RSBN1: variants seen among roughly 807,000 people sequenced by gnomAD.
RSBN1 encodes lysine-specific demethylase 9.
In RSBN1, 23 loss-of-function variants were observed where a neutral mutation model predicts 74.8. The ratio of observed to expected loss-of-function variants is 0.31; its 90% CI spans 0.22 to 0.44. The LOEUF is 0.44. Ranked by LOEUF, RSBN1 falls within the 20% of genes least tolerant of loss-of-function variation. The probability of loss-of-function intolerance (pLI) is 1.00; values close to 1 mark genes in which losing one functional copy is unlikely to be tolerated. For missense variants in RSBN1, 808 were observed against 1,020.9 expected, an observed-to-expected ratio of 0.79 and a Z score of 2.84; for synonymous variants, 407 against 379.6, an observed-to-expected ratio of 1.07 and a Z score of -0.84.
chr1:113,768,520 G>A, intron 4 of RSBN1, 131 bp from the exon 5 acceptor site: 2 of 576,192 alleles, frequency 3.5e-6, no homozygotes, highest in Non-Finnish European at 6.1e-6. Flanking sequence ...ACTGAGAAGG[G>A]TTCAATGATT....
chr1:113,782,700 T>C (rs944183847), intron 2 of RSBN1, among the ~76,000 whole-genome samples: 1 of 152,198 alleles, frequency 6.6e-6, no homozygotes, highest in Non-Finnish European at 1.5e-5. Flanking sequence ...TCGTTCTATT[T>C]TTAATTTTTT....
intron 1 of RSBN1, among the ~76,000 whole-genome samples, chr1:113,803,526 G>A (rs181088299): frequency 7.9e-5 from 12 of 152,254 alleles, no homozygotes; most frequent in East Asian, 1.9e-4. Flanking sequence ...TGGTAAAACC[G>A]GAGGAAAGAA....
At chr1:113,784,928 A>G (rs1571301512) in intron 2 of RSBN1, among the ~76,000 whole-genome samples, 1 of 152,338 alleles carries the variant, frequency 6.6e-6, no homozygotes, top group African/African-American at 2.4e-5. Context: ...AACAGTGTAC[A>G]CTTAGGTTAC....
At chr1:113,778,502 G>A (rs542548694) in intron 2 of RSBN1, among the ~76,000 whole-genome samples, 8 of 151,082 alleles carry the variant, frequency 5.3e-5, no homozygotes, top group African/African-American at 1.7e-4. Flanking sequence ...GTTTCAACAC[G>A]TTGGCCAGGC....
rs997690593 is a variant in RSBN1, at chr1:113,812,299, G to C, written c.114C>G (p.Val38=). 1 of 1,604,296 alleles carries C rather than the reference G, an allele frequency of 6.2e-7. No homozygotes were observed. The highest frequency in any genetic ancestry group is 1.3e-5 in the African/African-American group (1 of 75,038). The change falls in exon 1 of 7, where the codon GTC becomes GTG. Residue 38 remains valine, a synonymous_variant. Transcript: ENST00000261441. ...CCACAAACACACATTTAAATGGCCC[G>C]ACCGCCCCCCCGTCCGCGCATCGCG... ...ALARCADGGA[V]GPFKCVFVGE...
intron 1 of RSBN1, among the ~76,000 whole-genome samples, chr1:113,801,146 T>A (rs531664413): frequency 1.3e-5 from 2 of 152,166 alleles, no homozygotes; most frequent in Admixed American, 1.3e-4. Context: ...CACACCCGGC[T>A]AATTTTTTGT....
intron 1 of RSBN1, among the ~76,000 whole-genome samples, chr1:113,805,075 G>C (rs978781696): frequency 3.3e-5 from 5 of 151,910 alleles, no homozygotes; most frequent in Non-Finnish European, 5.9e-5. Context: ...TAATTAAAAA[G>C]AAGCATTACT....
chr1:113,774,503 T>G (rs548192810), intron 4 of RSBN1, among the ~76,000 whole-genome samples: 2 of 150,492 alleles, frequency 1.3e-5, no homozygotes, highest in African/African-American at 2.5e-5. Context: ...TGAAACCCCA[T>G]CTCTACTAAA....
intron 2 of RSBN1, among the ~76,000 whole-genome samples, chr1:113,778,304 TC>T (rs370998445): frequency 0.13 from 18,703 of 145,306 alleles, 1,212 homozygotes; most frequent in East Asian, 0.28. Flanking sequence ...TTTTTTTTTT[TC>T]CTTTTTTTTG....
rs981325358 is a variant in RSBN1 at position 113,765,704 on chromosome 1, T to C, written c.*276A>G. The C allele has an allele frequency of 3.2e-6, 1 of 308,766 alleles. No homozygotes were observed. The highest frequency in any genetic ancestry group is 6.0e-6 in the Non-Finnish European group (1 of 165,828). 19.1% of individuals were successfully genotyped at this position (308,766 alleles called of 1,614,324 possible). A position where few individuals can be genotyped will look rare whatever the true frequency, so the allele number is the denominator to read the frequency against. ...TCTGTTATTCCAGAGAATTCTCATT[T>C]TGATTTGAAGAAGAGATTGAATTGT... On this transcript the variant is annotated 3_prime_UTR_variant, in exon 7 of 7. Transcript: ENST00000261441.
intron 4 of RSBN1, among the ~76,000 whole-genome samples, chr1:113,773,895 C>T (rs1325895786): frequency 3.3e-5 from 5 of 151,402 alleles, no homozygotes; most frequent in African/African-American, 9.7e-5. Context: ...CCCAGCTACT[C>T]GGGAGGCTGA....
chr1:113,793,688 T>C lies in RSBN1; in HGVS notation c.1377+3675A>G, dbSNP rs545886139. The stretch of plus-strand genomic sequence containing the variant: ...AATTCCTAAGAGTTCTTTTTTTTTT[T>C]TTCTTTTTTTCTTTATTGAGACTTG... On this transcript the variant is annotated intron_variant, in intron 2 of 6. Coordinates refer to ENST00000261441, the MANE Select transcript of RSBN1 (RefSeq NM_018364.5). 6.7e-3 allele frequency among the ~76,000 whole-genome samples: 1,015 copies of C among 152,150 alleles called. 7 individuals carry two copies. Among genetic ancestry groups the C allele is most frequent in the Middle Eastern group, 0.01 (3 of 294 alleles).
chr1:113,774,413 G>A lies in RSBN1; in HGVS notation c.1658+2797C>T, dbSNP rs532639194. Reference sequence around the variant, plus strand: ...CAACAGGCCAGGCACGGTGGCTCACGCCTGTAATCCCAGCACTTTGGGAGG... The same window carrying A: ...CAACAGGCCAGGCACGGTGGCTCACACCTGTAATCCCAGCACTTTGGGAGG... On this transcript the variant is annotated intron_variant, in intron 4 of 6. Coordinates refer to ENST00000261441, the MANE Select transcript of RSBN1 (RefSeq NM_018364.5). 7.2e-5 allele frequency among the ~76,000 whole-genome samples: 11 copies of A among 151,768 alleles called. No individual in the cohort carries two copies. The East Asian group carries it at 1.6e-3, about 21-fold the overall frequency.
Position 113,763,508 on chromosome 1 carries a change from T to C in RSBN1, c.*2472A>G, listed in dbSNP as rs1659723332. 6.5e-6 allele frequency: 1 copy of C among 152,772 alleles called. No individual in the cohort carries two copies. Among genetic ancestry groups the C allele is most frequent in the Admixed American group, 6.5e-5 (1 of 15,280 alleles). 9.5% of individuals were successfully genotyped at this position (152,772 alleles called of 1,614,324 possible). On this transcript the variant is annotated 3_prime_UTR_variant, in exon 7 of 7. Coordinates refer to ENST00000261441, the MANE Select transcript of RSBN1 (RefSeq NM_018364.5). ...TTGTATCACTAAACTAGGATACAGC[T>C]TTGAAAGCAGTAAAAAACGCAAAAC...
intron 1 of RSBN1, among the ~76,000 whole-genome samples, chr1:113,804,153 T>C (rs534878619): frequency 6.6e-6 from 1 of 152,094 alleles, no homozygotes; most frequent in South Asian, 2.1e-4. Context: ...CTAGAGTCTA[T>C]CTCACAGAGT....
intron 6 of RSBN1, among the ~76,000 whole-genome samples, chr1:113,766,795 G>A (rs967556878): frequency 6.6e-6 from 1 of 152,122 alleles, no homozygotes; most frequent in African/African-American, 2.4e-5. Flanking sequence ...TCAGCCTTTT[G>A]CAGTTGAGGG....
Position 113,765,776 on chromosome 1 carries a change from T to C in RSBN1, c.*204A>G. The C allele has an allele frequency of 1.8e-6, 1 of 548,004 alleles. No individual in the cohort carries two copies. The highest frequency in any genetic ancestry group is 2.9e-5 in the East Asian group (1 of 34,348). The allele number at this position is 548,004 out of a possible 1,614,324, so 33.9% of individuals were successfully genotyped here. A position where few individuals can be genotyped will look rare whatever the true frequency, so the allele number is the denominator to read the frequency against. ...AAGTAGCAGCAGACCCACTATTACA[T>C]ACTGTACTAACGGGATAAGATACAA... On this transcript the variant is annotated 3_prime_UTR_variant, in exon 7 of 7. Coordinates refer to ENST00000261441, the MANE Select transcript of RSBN1 (RefSeq NM_018364.5).
rs1266317589 is a variant in RSBN1 at position 113,763,523 on chromosome 1, A to G, written c.*2457T>C. 1.3e-5 allele frequency: 2 copies of G among 152,782 alleles called. No homozygotes were observed. The highest frequency in any genetic ancestry group is 3.7e-4 in the East Asian group (2 of 5,334). The allele number at this position is 152,782 out of a possible 1,614,324, so 9.5% of individuals were successfully genotyped here. On this transcript the variant is annotated 3_prime_UTR_variant, in exon 7 of 7. Transcript: ENST00000261441. ...AGGATACAGCTTTGAAAGCAGTAAA[A>G]AACGCAAAACTTCTGCTTTTATACT...
intron 1 of RSBN1, among the ~76,000 whole-genome samples, chr1:113,810,819 G>A (rs942078768): frequency 2.0e-5 from 3 of 152,110 alleles, no homozygotes; most frequent in Non-Finnish European, 4.4e-5. Context: ...CAAACATACG[G>A]CATAATCAAA....
Sources: gnomAD v4.1 joint callset for allele counts (sites outside exome capture counted in the v4.1 genomes callset) on GRCh38, gnomAD v4.1.1 for gene constraint, MANE v1.5 for transcripts, NCBI Gene and HGNC (gene_info 2026-07-23, HGNC 2026-07-21) for gene names.